IFT80: variants seen among roughly 807,000 people sequenced by gnomAD.
The protein encoded by IFT80 is intraflagellar transport protein 80 homolog.
Under a neutral mutation model 107.9 loss-of-function variants are expected in IFT80, and 79 were observed. The observed-to-expected ratio is 0.73, with a 90% CI of 0.61 to 0.88. The LOEUF (loss-of-function observed/expected upper bound fraction) is 0.88. Among genes scored for constraint, IFT80 ranks in the 40% least tolerant of loss-of-function variants. The pLI is 0.00. For synonymous variants in IFT80, 299 were observed against 300.9 expected, an observed-to-expected ratio of 0.99 and a Z score of 0.07; for missense variants, 797 against 914.2, an observed-to-expected ratio of 0.87 and a Z score of 1.65.
In IFT80 at chr3:160,313,289, G is replaced by T. The variant is rs915461441; in HGVS notation, c.958-5508C>A. On this transcript the variant is annotated intron_variant, in intron 9 of 19. Transcript: ENST00000326448. ...AACTTTAAAGGGAAGTTGTATGTTA[G>T]TTTCTTTATAGCAACATGCTATCTA... Among the ~76,000 whole-genome samples, 4 of 149,848 alleles carry T rather than the reference G, an allele frequency of 2.7e-5. No individual in the cohort carries two copies. In the South Asian group the frequency reaches 8.3e-4, roughly 31 times the overall value.
At chr3:160,309,663 G>A (rs1717093973) in intron 9 of IFT80, among the ~76,000 whole-genome samples, 1 of 151,826 alleles carries the variant, frequency 6.6e-6, no homozygotes, top group Admixed American at 6.6e-5. Flanking sequence ...CTCCAGGCTG[G>A]GCAACAGAGC....
chr3:160,345,076 A>C (rs1474791514), intron 8 of IFT80, among the ~76,000 whole-genome samples: 1 of 152,198 alleles, frequency 6.6e-6, no homozygotes. Flanking sequence ...ATGACCAAGC[A>C]ATCCCACTGC....
intron 1 of IFT80, among the ~76,000 whole-genome samples, chr3:160,388,501 G>T (rs1308531624): frequency 6.6e-6 from 1 of 150,542 alleles, no homozygotes; most frequent in Non-Finnish European, 1.5e-5. Flanking sequence ...GACCGTGGTA[G>T]GCAAAATAAT....
intron 5 of IFT80, among the ~76,000 whole-genome samples, chr3:160,367,595 G>A (rs1721954166): frequency 6.6e-6 from 1 of 151,906 alleles, no homozygotes; most frequent in African/African-American, 2.4e-5. Context: ...CAAAAGCTTG[G>A]CTAAAAAAAG....
chr3:160,356,083 G>C lies in IFT80; in HGVS notation c.707C>G (p.Ala236Gly). 1 of 1,614,126 alleles carries C rather than the reference G, an allele frequency of 6.2e-7. No individual in the cohort carries two copies. Among genetic ancestry groups the C allele is most frequent in the East Asian group, 2.2e-5 (1 of 44,884 alleles). Reference sequence around the variant, plus strand: ...AAATAATTCTCCATCTGGAGCCCAGGCAACTGAAGTAATGGGATGCTCATG... The same window carrying C: ...AAATAATTCTCCATCTGGAGCCCAGCCAACTGAAGTAATGGGATGCTCATG... ...QPHEHPITSV[A>G]WAPDGELFAV... Residue 236 changes from alanine to glycine, a missense_variant, in exon 8 of 20, where the codon GCC becomes GGC. By Grantham distance (60) the Ala-to-Gly change is moderately conservative. Coordinates refer to ENST00000326448, the MANE Select transcript of IFT80 (RefSeq NM_020800.3).
At chr3:160,386,092 G>A (rs1403392173) in intron 1 of IFT80, among the ~76,000 whole-genome samples, 1 of 152,156 alleles carries the variant, frequency 6.6e-6, no homozygotes, top group African/African-American at 2.4e-5. Context: ...TCTATAAATA[G>A]TAGAAGCAGT....
chr3:160,333,602 G>C (rs1486568078), intron 8 of IFT80, among the ~76,000 whole-genome samples: 1 of 151,856 alleles, frequency 6.6e-6, no homozygotes, highest in African/African-American at 2.4e-5. Context: ...ACACAGCCTA[G>C]GCCTATGCAG....
rs541282975 is a variant in IFT80 at position 160,398,851 on chromosome 3, A to G, written c.-47+295T>C. Among the ~76,000 whole-genome samples the G allele has an allele frequency of 2.6e-5, 4 of 152,324 alleles. No homozygotes were observed. The South Asian group carries it at 8.3e-4, about 32-fold the overall frequency. On this transcript the variant is annotated intron_variant, in intron 1 of 19. Coordinates refer to ENST00000326448, the MANE Select transcript of IFT80 (RefSeq NM_020800.3). ...AGAGCCTTTTAGTCAAATTATTTTA[A>G]AAGTCCTAAACCTTTCACTAGTAAC...
chr3:160,360,511 CA>C (rs1721414672), intron 6 of IFT80, among the ~76,000 whole-genome samples: 1 of 152,118 alleles, frequency 6.6e-6, no homozygotes, highest in African/African-American at 2.4e-5. Context: ...GAGAACACAA[CA>C]AAGATACTCC....
At chr3:160,389,785 A>G (rs1388779778) in intron 1 of IFT80, among the ~76,000 whole-genome samples, 2 of 152,170 alleles carry the variant, frequency 1.3e-5, no homozygotes, top group Non-Finnish European at 2.9e-5. Flanking sequence ...GTGCTACAAT[A>G]AACATACGTG....
chr3:160,288,037 A>T (rs2108244671), intron 12 of IFT80, among the ~76,000 whole-genome samples: 1 of 152,338 alleles, frequency 6.6e-6, no homozygotes, highest in Middle Eastern at 3.4e-3. Flanking sequence ...AAAAATCTTT[A>T]AACAGTTATT....
Position 160,279,260 on chromosome 3 carries a change from G to A in IFT80, c.1769C>T (p.Ala590Val), listed in dbSNP as rs766857775. The A allele has an allele frequency of 1.2e-6, 2 of 1,612,828 alleles. No individual in the cohort carries two copies. Among genetic ancestry groups the A allele is most frequent in the Non-Finnish European group, 1.7e-6 (2 of 1,178,936 alleles). Reference protein sequence around the residue: ...LVHISITPYPAILHEYVSSSK... With the variant: ...LVHISITPYPVILHEYVSSSK... The stretch of plus-strand genomic sequence containing the variant: ...ACTGCTTACATATTCATGGAGAATA[G>A]CAGGATATGGTGTTATGCTGATGTG... The change falls in exon 16 of 20, where the codon GCT (alanine) becomes GTT (valine). Residue 590 changes from alanine to valine, a missense_variant. Ala to Val is a moderately conservative substitution (Grantham distance 64). Coordinates refer to ENST00000326448, the MANE Select transcript of IFT80 (RefSeq NM_020800.3).
At chr3:160,308,374 C>G in intron 9 of IFT80, among the ~76,000 whole-genome samples, 1 of 152,012 alleles carries the variant, frequency 6.6e-6, no homozygotes, top group Non-Finnish European at 1.5e-5. Context: ...GAGAGATTTG[C>G]TTATGACAGT....
intron 1 of IFT80, among the ~76,000 whole-genome samples, chr3:160,396,019 A>C (rs1204332516): frequency 6.6e-6 from 1 of 152,112 alleles, no homozygotes; most frequent in Non-Finnish European, 1.5e-5. Flanking sequence ...TTAGTGATCC[A>C]GTTATTCTTA....
At chr3:160,336,773 G>C (rs117571970) in intron 8 of IFT80, among the ~76,000 whole-genome samples, 1 of 151,976 alleles carries the variant, frequency 6.6e-6, no homozygotes, top group Non-Finnish European at 1.5e-5. Flanking sequence ...ATTGTAGATG[G>C]TCTGTTCTAT....
intron 12 of IFT80, among the ~76,000 whole-genome samples, chr3:160,296,303 CTT>C (rs1429615417): frequency 6.6e-6 from 1 of 152,054 alleles, no homozygotes; most frequent in African/African-American, 2.4e-5. Context: ...CTTCTGGTAA[CTT>C]TTGATGTAAC....
At chr3:160,340,262 T>C (rs1352798033) in intron 8 of IFT80, among the ~76,000 whole-genome samples, 5 of 152,224 alleles carry the variant, frequency 3.3e-5, no homozygotes, top group Non-Finnish European at 7.3e-5. Flanking sequence ...ACATGACTCA[T>C]TGCTAACACT....
At chr3:160,398,904 G>A (rs542322511) in intron 1 of IFT80, among the ~76,000 whole-genome samples, 2 of 152,022 alleles carry the variant, frequency 1.3e-5, no homozygotes, top group African/African-American at 4.8e-5. Flanking sequence ...TCATTATTGC[G>A]CTATTCACAT....
At chr3:160,326,016 A>T (rs1422390163) in intron 8 of IFT80, among the ~76,000 whole-genome samples, 2 of 152,050 alleles carry the variant, frequency 1.3e-5, no homozygotes, top group Admixed American at 1.3e-4. Flanking sequence ...AATTATTTTA[A>T]ATGTAAGCAT....
Sources: allele counts gnomAD v4.1 joint callset (sites outside exome capture counted in the v4.1 genomes callset), GRCh38; gene constraint gnomAD v4.1.1; transcripts MANE v1.5; gene names NCBI Gene and HGNC (gene_info 2026-07-23, HGNC 2026-07-21).